Variants in SNRNP40 observed in about 807,000 individuals in gnomAD.
The protein encoded by SNRNP40 is small nuclear ribonucleoprotein U5 subunit 40, also known as U5 small nuclear ribonucleoprotein 40 kDa protein.
Under a neutral mutation model 45.8 loss-of-function variants are expected in SNRNP40, and 21 were observed. The observed-to-expected ratio is 0.46, with a 90% CI of 0.32 to 0.66. SNRNP40 has a LOEUF of 0.66. Among genes scored for constraint, SNRNP40 ranks in the 30% least tolerant of loss-of-function variants. The pLI is 0.03. For missense variants in SNRNP40, 344 were observed against 439.1 expected (o/e 0.78, Z 1.94); for synonymous variants, 142 against 163.8 (o/e 0.87, Z 1.01).
intron 4 of SNRNP40, 126 bp from the exon 5 acceptor site, chr1:31,281,622 C>T (rs1646017182): frequency 2.6e-6 from 2 of 757,060 alleles, no homozygotes; most frequent in Non-Finnish European, 3.9e-6. Context: ...TCCTATATCA[C>T]TAACTCCTGG....
At chr1:31,288,745 GTTC>G (rs1040606216) in intron 4 of SNRNP40, among the ~76,000 whole-genome samples, 5 of 150,534 alleles carry the variant, frequency 3.3e-5, no homozygotes, top group African/African-American at 1.2e-4. Context: ...TACTGTCACA[GTTC>G]TTTTTTTTGA....
intron 8 of SNRNP40, chr1:31,263,816 C>T (rs934322893): frequency 2.0e-5 from 4 of 197,986 alleles, no homozygotes; most frequent in Non-Finnish European, 3.1e-5. Context: ...ACCACCTCTT[C>T]AGTAGCCACA....
intron 8 of SNRNP40, among the ~76,000 whole-genome samples, chr1:31,266,429 T>G (rs1645897309): frequency 6.6e-6 from 1 of 152,154 alleles, no homozygotes; most frequent in East Asian, 1.9e-4. Context: ...AGGGTCTTAT[T>G]GTTCTTTACC....
rs777306078 is a variant in SNRNP40 at position 31,260,936 on chromosome 1, A to T, written c.1024+593T>A. 19 of 998,778 alleles carry T rather than the reference A, an allele frequency of 1.9e-5. No homozygotes were observed. In the South Asian group the frequency reaches 2.7e-4, roughly 14 times the overall value. The allele number at this position is 998,778 out of a possible 1,614,324, so 61.9% of individuals were successfully genotyped here. A position where few individuals can be genotyped will look rare whatever the true frequency, so the allele number is the denominator to read the frequency against. On this transcript the variant is annotated intron_variant, in intron 9 of 9. Transcript: ENST00000263694. Reference sequence around the variant, plus strand: ...AAACAGACTTGATGGAAGTAAATTTAAAAAAAAATTAGACTTACCAACTTC... The same window carrying T: ...AAACAGACTTGATGGAAGTAAATTTTAAAAAAAATTAGACTTACCAACTTC...
chr1:31,285,207 T>C (rs557419927), intron 4 of SNRNP40, among the ~76,000 whole-genome samples: 2 of 152,184 alleles, frequency 1.3e-5, no homozygotes, highest in East Asian at 1.9e-4. Flanking sequence ...GTCTAAATCA[T>C]TTGAGAGTAA....
chr1:31,288,591 G>GT (rs1165788089), intron 4 of SNRNP40, among the ~76,000 whole-genome samples: 1 of 151,658 alleles, frequency 6.6e-6, no homozygotes, highest in Non-Finnish European at 1.5e-5. Flanking sequence ...ACTAAACGAT[G>GT]TTTAAGTTCC....
chr1:31,287,207 A>C (rs1250043186), intron 4 of SNRNP40, among the ~76,000 whole-genome samples: 1 of 152,224 alleles, frequency 6.6e-6, no homozygotes, highest in Non-Finnish European at 1.5e-5. Context: ...CCAACTTCAC[A>C]AGTAACTGAA....
intron 1 of SNRNP40, among the ~76,000 whole-genome samples, chr1:31,294,289 G>A (rs547543868): frequency 2.6e-5 from 4 of 152,056 alleles, no homozygotes; most frequent in African/African-American, 7.2e-5. Flanking sequence ...CATAGCAAAC[G>A]GATCCTCAGC....
rs964273551 is a variant in SNRNP40 at position 31,275,864 on chromosome 1, G to A, written c.655-4365C>T. Among the ~76,000 whole-genome samples the A allele has an allele frequency of 2.0e-5, 3 of 152,164 alleles. No individual in the cohort carries two copies. The East Asian group carries it at 5.8e-4, about 29-fold the overall frequency. On this transcript the variant is annotated intron_variant, in intron 5 of 9. Coordinates refer to ENST00000263694, the MANE Select transcript of SNRNP40 (RefSeq NM_004814.3). ...CTGCCAGAAAACAATATGGCAGCCT[G>A]TATCCCAAATATGAAACATCCTTAT...
chr1:31,288,588 G>A (rs1646078542), intron 4 of SNRNP40, among the ~76,000 whole-genome samples: 2 of 151,688 alleles, frequency 1.3e-5, no homozygotes, highest in African/African-American at 2.4e-5. Flanking sequence ...CTGACTAAAC[G>A]ATGTTTAAGT....
At chr1:31,260,388 T>C (rs537438595) in intron 9 of SNRNP40, among the ~76,000 whole-genome samples, 100 of 152,130 alleles carry the variant, frequency 6.6e-4, no homozygotes, top group Non-Finnish European at 1.1e-3. Context: ...AGAAAAAGAC[T>C]TTCCCAGTCA....
intron 4 of SNRNP40, among the ~76,000 whole-genome samples, chr1:31,283,829 T>C (rs1646036786): frequency 6.6e-6 from 1 of 152,210 alleles, no homozygotes; most frequent in African/African-American, 2.4e-5. Flanking sequence ...GACAACTGGC[T>C]AACCACATGC....
intron 9 of SNRNP40, chr1:31,261,078 C>T (rs542058061): frequency 2.0e-5 from 25 of 1,246,030 alleles, no homozygotes; most frequent in Middle Eastern, 2.4e-4. Context: ...CAGTGGCTCA[C>T]ACCTGTAATC....
intron 9 of SNRNP40, 74 bp downstream of exon 9, chr1:31,261,455 T>G (rs576945789): frequency 1.0e-6 from 1 of 965,932 alleles, no homozygotes. Context: ...GATACCCGCT[T>G]TTGACTCTCT....
chr1:31,279,305 T>A (rs1395933235), intron 5 of SNRNP40, among the ~76,000 whole-genome samples: 1 of 152,178 alleles, frequency 6.6e-6, no homozygotes, highest in Non-Finnish European at 1.5e-5. Flanking sequence ...GGTTGTAAGG[T>A]CAAAGTCTTT....
At chr1:31,277,417 A>G (rs10914341) in intron 5 of SNRNP40, among the ~76,000 whole-genome samples, 2,387 of 152,304 alleles carry the variant, frequency 0.016, 50 homozygotes, top group African/African-American at 0.054. Flanking sequence ...TTTTAATTGT[A>G]ATTAATTGTT....
In SNRNP40 at chr1:31,269,155, CACCTT is replaced by C; in HGVS notation, c.856_858+2del. 3 of 1,596,684 alleles carry C rather than the reference CACCTT, an allele frequency of 1.9e-6. No individual in the cohort carries two copies. The highest frequency in any genetic ancestry group is 2.6e-6 in the Non-Finnish European group (3 of 1,172,956). Reference sequence around the variant, plus strand: ...TAAAACTCCTCTGCCATGCAGAACTCACCTTTTCAAAGTTGTGCACATTTCCTTGA... The same window carrying C: ...TAAAACTCCTCTGCCATGCAGAACTCTTCAAAGTTGTGCACATTTCCTTGA... On this transcript the variant is annotated splice_donor_variant and coding_sequence_variant, in exon 7 of 10. Coordinates refer to ENST00000263694, the MANE Select transcript of SNRNP40 (RefSeq NM_004814.3). LOFTEE classifies it high-confidence loss of function.
intron 5 of SNRNP40, among the ~76,000 whole-genome samples, chr1:31,277,280 G>T (rs1247853563): frequency 1.3e-5 from 2 of 152,160 alleles, no homozygotes; most frequent in Non-Finnish European, 2.9e-5. Flanking sequence ...CTTGAAGGAA[G>T]TACACTGTGA....
chr1:31,283,605 A>G (rs941708396), intron 4 of SNRNP40, among the ~76,000 whole-genome samples: 2 of 152,140 alleles, frequency 1.3e-5, no homozygotes, highest in Non-Finnish European at 2.9e-5. Context: ...TTCGTCTCAA[A>G]AACCAACCAA....
Sources: gnomAD v4.1 joint callset for allele counts (sites outside exome capture counted in the v4.1 genomes callset) on GRCh38, gnomAD v4.1.1 for gene constraint, MANE v1.5 for transcripts, NCBI Gene and HGNC (gene_info 2026-07-23, HGNC 2026-07-21) for gene names.